Variants in LCLAT1 observed in about 807,000 individuals in gnomAD.
LCLAT1 encodes the protein 1-AGP acyltransferase 8.
LCLAT1 carries 11 observed loss-of-function variants against 30.7 expected under a neutral mutation model. That is an observed-to-expected ratio of 0.36 (90% CI 0.23 to 0.59). The LOEUF is 0.59. Among genes scored for constraint, LCLAT1 ranks in the 20% least tolerant of loss-of-function variants. The pLI is 0.77. For synonymous variants in LCLAT1, 155 were observed against 151.3 expected (o/e 1.02, Z -0.18); for missense variants, 402 against 458.6 (o/e 0.88, Z 1.13).
At chr2:30,588,994 G>GA (rs1231531830) in intron 5 of LCLAT1, among the ~76,000 whole-genome samples, 1 of 152,028 alleles carries the variant, frequency 6.6e-6, no homozygotes, top group Non-Finnish European at 1.5e-5. Context: ...AAAGGTTATT[G>GA]AAAAAAATCT....
chr2:30,586,756 T>C (rs972202579), intron 5 of LCLAT1, among the ~76,000 whole-genome samples: 15 of 152,200 alleles, frequency 9.9e-5, no homozygotes, highest in African/African-American at 3.6e-4. Context: ...GTGTCTCTTA[T>C]CTTTAAGCTC....
chr2:30,541,143 A>T (rs1459137871), intron 3 of LCLAT1, among the ~76,000 whole-genome samples: 1 of 152,116 alleles, frequency 6.6e-6, no homozygotes, highest in Non-Finnish European at 1.5e-5. Context: ...TTCTAGTGGA[A>T]CTACTGTTTT....
At chr2:30,592,617 G>C (rs1256353629) in intron 5 of LCLAT1, among the ~76,000 whole-genome samples, 2 of 152,218 alleles carry the variant, frequency 1.3e-5, no homozygotes, top group African/African-American at 4.8e-5. Flanking sequence ...TTGCTAAGCA[G>C]AGTAACAATT....
intron 1 of LCLAT1, among the ~76,000 whole-genome samples, chr2:30,496,755 CTCATT>C (rs1684139137): frequency 1.3e-5 from 2 of 152,122 alleles, no homozygotes; most frequent in African/African-American, 4.8e-5. Context: ...TTATCTGAAT[CTCATT>C]TCAGTTCCTT....
intron 5 of LCLAT1, among the ~76,000 whole-genome samples, chr2:30,576,313 A>G (rs1665990396): frequency 6.6e-6 from 1 of 152,152 alleles, no homozygotes; most frequent in Non-Finnish European, 1.5e-5. Flanking sequence ...ATTGTTACAT[A>G]CATTGAAATA....
intron 5 of LCLAT1, among the ~76,000 whole-genome samples, chr2:30,626,707 A>AT (rs1668528355): frequency 6.7e-6 from 1 of 150,106 alleles, no homozygotes; most frequent in African/African-American, 2.5e-5. Flanking sequence ...TCTCCCTCTA[A>AT]TTTTCAATAT....
chr2:30,630,123 C>T (rs781765802), intron 5 of LCLAT1, among the ~76,000 whole-genome samples: 2 of 152,128 alleles, frequency 1.3e-5, no homozygotes, highest in Non-Finnish European at 2.9e-5. Context: ...CTTCATGGCT[C>T]GCAGATGGCC....
intron 5 of LCLAT1, among the ~76,000 whole-genome samples, chr2:30,573,059 A>G (rs1463016057): frequency 6.6e-6 from 1 of 152,200 alleles, no homozygotes; most frequent in African/African-American, 2.4e-5. Flanking sequence ...AAAATAGATA[A>G]TAGGTTTTTA....
intron 1 of LCLAT1, among the ~76,000 whole-genome samples, chr2:30,448,086 C>T (rs1213727144): frequency 6.6e-6 from 1 of 152,212 alleles, no homozygotes; most frequent in Admixed American, 6.5e-5. Flanking sequence ...TCTTGTACTT[C>T]CCTGGTTCAG....
chr2:30,610,388 T>C (rs906124205), intron 5 of LCLAT1, among the ~76,000 whole-genome samples: 2 of 152,162 alleles, frequency 1.3e-5, no homozygotes, highest in Admixed American at 6.6e-5. Context: ...TCATCTAAGC[T>C]AACGCTTTTC....
chr2:30,633,742 T>G (rs537669671), intron 5 of LCLAT1, among the ~76,000 whole-genome samples: 4 of 152,338 alleles, frequency 2.6e-5, no homozygotes, highest in African/African-American at 9.6e-5. Flanking sequence ...TATATTTGAT[T>G]GTGGAATGGA....
At position 30,525,594 on chromosome 2, in the gene LCLAT1, G is replaced by C. The variant is rs761766903; in HGVS notation, c.4G>C (p.Val2Leu). Residue 2 changes from valine to leucine, a missense_variant, in exon 2 of 6, where the codon GTG (valine) becomes CTG (leucine). Coordinates refer to ENST00000379509, the MANE Select transcript of LCLAT1 (RefSeq NM_001002257.3). M[V>L]SWKGIYFILT... ...CTTTTTTATATCTTTCAGAATCATG[G>C]TGTCATGGAAAGGGATTTACTTTAT... The C allele has an allele frequency of 1.2e-6, 2 of 1,611,974 alleles. No individual in the cohort carries two copies. Among genetic ancestry groups the C allele is most frequent in the African/African-American group, 2.7e-5 (2 of 74,822 alleles).
chr2:30,537,104 G>A lies in LCLAT1; in HGVS notation c.364+3790G>A, dbSNP rs191118034. On this transcript the variant is annotated intron_variant, in intron 3 of 5. Coordinates refer to ENST00000379509, the MANE Select transcript of LCLAT1 (RefSeq NM_001002257.3). ...AGATAAGATAGACTTCAAGTTGGCC[G>A]GGCGCGGTGGCTCACGCCTGTAATC... Among the ~76,000 whole-genome samples, 291 of 152,300 alleles carry A rather than the reference G, an allele frequency of 1.9e-3. 1 individual carries two copies. The highest frequency in any genetic ancestry group is 6.5e-3 in the African/African-American group (272 of 41,556).
At chr2:30,495,302 G>A (rs1045992572) in intron 1 of LCLAT1, among the ~76,000 whole-genome samples, 1 of 151,886 alleles carries the variant, frequency 6.6e-6, no homozygotes, top group Non-Finnish European at 1.5e-5. Context: ...AGTAAATTAT[G>A]GAACTGGAAA....
intron 1 of LCLAT1, among the ~76,000 whole-genome samples, chr2:30,480,004 C>T (rs866222462): frequency 5.3e-5 from 8 of 152,114 alleles, no homozygotes; most frequent in African/African-American, 1.9e-4. Context: ...ACACTTTCAT[C>T]CTTTTATACT....
At chr2:30,520,685 T>C (rs1179388921) in intron 1 of LCLAT1, among the ~76,000 whole-genome samples, 1 of 152,224 alleles carries the variant, frequency 6.6e-6, no homozygotes, top group Non-Finnish European at 1.5e-5. Flanking sequence ...AAAAGCTATA[T>C]ACATTTTAGG....
intron 2 of LCLAT1, among the ~76,000 whole-genome samples, chr2:30,529,511 C>G (rs1432184950): frequency 6.6e-6 from 1 of 152,150 alleles, no homozygotes; most frequent in African/African-American, 2.4e-5. Context: ...TTGTAAGGGT[C>G]AAACTCAGCA....
intron 1 of LCLAT1, among the ~76,000 whole-genome samples, chr2:30,461,628 A>T (rs1333962575): frequency 6.6e-6 from 1 of 152,088 alleles, no homozygotes; most frequent in Admixed American, 6.5e-5. Flanking sequence ...GTCACAGAGC[A>T]AGGAAGTGTT....
At chr2:30,466,373 C>T (rs1682431719) in intron 1 of LCLAT1, among the ~76,000 whole-genome samples, 1 of 151,908 alleles carries the variant, frequency 6.6e-6, no homozygotes, top group African/African-American at 2.4e-5. Context: ...GGATTGTAAG[C>T]ATGAGTCAAT....
Sources: allele counts gnomAD v4.1 joint callset (sites outside exome capture counted in the v4.1 genomes callset), GRCh38; gene constraint gnomAD v4.1.1; transcripts MANE v1.5; gene names NCBI Gene and HGNC (gene_info 2026-07-23, HGNC 2026-07-21).